GPC5: variants seen among roughly 807,000 people sequenced by gnomAD.
The protein encoded by GPC5 is glypican 5.
In GPC5, 47 loss-of-function variants were observed where a neutral mutation model predicts 53.9. The ratio of observed to expected loss-of-function variants is 0.87; its 90% confidence interval spans 0.69 to 1.11. GPC5 has a LOEUF of 1.11. Among genes scored for constraint, GPC5 ranks in the 50% most tolerant of loss-of-function variants. The pLI is 0.00. For synonymous variants in GPC5, 286 were observed against 263.3 expected (o/e 1.09, Z -0.84); for missense variants, 748 against 713.1 (o/e 1.05, Z -0.56).
At chr13:92,343,980 A>G (rs1271533597) in intron 7 of GPC5, among the ~76,000 whole-genome samples, 1 of 152,108 alleles carries the variant, frequency 6.6e-6, no homozygotes, top group Non-Finnish European at 1.5e-5. Context: ...ATAATAGATA[A>G]TGAGGAATAA....
At chr13:91,829,822 A>C (rs1195784292) in intron 5 of GPC5, among the ~76,000 whole-genome samples, 1 of 152,064 alleles carries the variant, frequency 6.6e-6, no homozygotes, top group Non-Finnish European at 1.5e-5. Context: ...AGGGACTTTC[A>C]AAAGGGGAGG....
intron 2 of GPC5, among the ~76,000 whole-genome samples, chr13:91,594,731 T>C (rs2032926566): frequency 6.6e-6 from 1 of 152,178 alleles, no homozygotes; most frequent in Non-Finnish European, 1.5e-5. Context: ...TAGGCTGGGC[T>C]ACAGTGGTGT....
chr13:92,493,468 C>A (rs1184191353), intron 7 of GPC5, among the ~76,000 whole-genome samples: 1 of 152,126 alleles, frequency 6.6e-6, no homozygotes, highest in Non-Finnish European at 1.5e-5. Context: ...CAACTGCTCT[C>A]ATTGAAGTAG....
chr13:92,660,738 A>T (rs8002799), intron 7 of GPC5, among the ~76,000 whole-genome samples: 26 of 152,228 alleles, frequency 1.7e-4, no homozygotes, highest in African/African-American at 5.8e-4. Flanking sequence ...TCTGCCTAAC[A>T]GATCTCTTAG....
intron 7 of GPC5, among the ~76,000 whole-genome samples, chr13:92,172,020 G>A (rs1212495293): frequency 1.3e-5 from 2 of 152,158 alleles, no homozygotes; most frequent in Admixed American, 6.5e-5. Context: ...ATGCCAGTTC[G>A]CTTGTTTGTA....
At chr13:92,778,954 A>G (rs2138759021) in intron 7 of GPC5, among the ~76,000 whole-genome samples, 1 of 150,140 alleles carries the variant, frequency 6.7e-6, no homozygotes, top group South Asian at 2.1e-4. Flanking sequence ...GTGTATGAAT[A>G]TGTGCAAGAT....
chr13:91,458,045 G>A (rs369650230), intron 2 of GPC5, among the ~76,000 whole-genome samples: 17 of 152,218 alleles, frequency 1.1e-4, no homozygotes, highest in Middle Eastern at 3.4e-3. Flanking sequence ...AGAGTGAGGG[G>A]GATGGAAATA....
chr13:92,650,354 T>A (rs1885913992), intron 7 of GPC5, among the ~76,000 whole-genome samples: 1 of 152,160 alleles, frequency 6.6e-6, no homozygotes, highest in Non-Finnish European at 1.5e-5. Flanking sequence ...ACTATAGGAT[T>A]CTGCCCTCAG....
intron 7 of GPC5, among the ~76,000 whole-genome samples, chr13:92,457,042 A>C (rs1238427845): frequency 6.6e-6 from 1 of 151,522 alleles, no homozygotes; most frequent in Non-Finnish European, 1.5e-5. Flanking sequence ...TGTTGTTCCC[A>C]TCTTTATGTC....
intron 7 of GPC5, among the ~76,000 whole-genome samples, chr13:92,592,866 G>A (rs755516724): frequency 6.6e-6 from 1 of 151,166 alleles, no homozygotes; most frequent in Non-Finnish European, 1.5e-5. Flanking sequence ...TTGAGGGATG[G>A]GCGATGTGCA....
At chr13:92,787,211 A>G (rs1199615416) in intron 7 of GPC5, among the ~76,000 whole-genome samples, 1 of 152,144 alleles carries the variant, frequency 6.6e-6, no homozygotes, top group Non-Finnish European at 1.5e-5. Context: ...TAGGGTTGGG[A>G]AGATAAAAAA....
At position 92,373,382 on chromosome 13, in the gene GPC5, T is replaced by C. The variant is rs1369860581; in HGVS notation, c.1561+228393T>C. Among the ~76,000 whole-genome samples the C allele has an allele frequency of 2.0e-5, 3 of 152,224 alleles. No individual in the cohort carries two copies. The East Asian group carries it at 5.8e-4, about 29-fold the overall frequency. ...CCAGTATTTCTCCATAAACTATAGA[T>C]TCATGTTCTCTCTGTAGAAATGCTA... On this transcript the variant is annotated intron_variant, in intron 7 of 7. Coordinates refer to ENST00000377067, the MANE Select transcript of GPC5 (RefSeq NM_004466.6).
At chr13:91,525,556 A>G (rs1189406980) in intron 2 of GPC5, among the ~76,000 whole-genome samples, 1 of 152,150 alleles carries the variant, frequency 6.6e-6, no homozygotes, top group Non-Finnish European at 1.5e-5. Context: ...CTTTTAATAT[A>G]CCACCTCTTT....
At chr13:92,504,132 T>C (rs1183780153) in intron 7 of GPC5, among the ~76,000 whole-genome samples, 3 of 151,980 alleles carry the variant, frequency 2.0e-5, no homozygotes, top group African/African-American at 7.2e-5. Context: ...ACTGAAAGGT[T>C]TTCCAAAGAA....
At chr13:92,008,672 T>A (rs947159960) in intron 6 of GPC5, among the ~76,000 whole-genome samples, 3 of 152,218 alleles carry the variant, frequency 2.0e-5, no homozygotes, top group Admixed American at 2.0e-4. Flanking sequence ...GTAATTCTTG[T>A]CTCCGTGTTG....
At position 91,954,359 on chromosome 13, in the gene GPC5, G is replaced by A. The variant is rs529973110; in HGVS notation, c.1401+46302G>A. Among the ~76,000 whole-genome samples, 31 of 152,082 alleles carry A rather than the reference G, an allele frequency of 2.0e-4. 1 individual carries two copies. The South Asian group carries it at 3.9e-3, about 19-fold the overall frequency. On this transcript the variant is annotated intron_variant, in intron 6 of 7. Coordinates refer to ENST00000377067, the MANE Select transcript of GPC5 (RefSeq NM_004466.6). ...AAACAAAATATGTGTAACAGGAATC[G>A]GTGATATATTGAAATAATAACACAT... is the stretch of plus-strand genomic sequence containing the variant.
Position 91,771,691 on chromosome 13 carries a change from G to A in GPC5, c.1280+15271G>A, listed in dbSNP as rs186885447. 3.8e-3 allele frequency among the ~76,000 whole-genome samples: 580 copies of A among 152,190 alleles called. 4 individuals carry two copies. Among genetic ancestry groups the A allele is most frequent in the Admixed American group, 7.1e-3 (109 of 15,274 alleles). On this transcript the variant is annotated intron_variant, in intron 5 of 7. Transcript: ENST00000377067. The stretch of plus-strand genomic sequence containing the variant: ...ATTGATTATATTTCTATGTGCTTCC[G>A]TAATTTTTTTACCAAGTCCTTTTAG...
At position 92,539,240 on chromosome 13, in the gene GPC5, C is replaced by T. The variant is rs146993210; in HGVS notation, c.1562-327042C>T. Among the ~76,000 whole-genome samples the T allele has an allele frequency of 8.3e-3, 1,265 of 151,756 alleles. 21 individuals are homozygous for T. The highest frequency in any genetic ancestry group is 0.029 in the African/African-American group (1,189 of 41,396). The stretch of plus-strand genomic sequence containing the variant: ...ATCTAGTTCTAGATCCTTGAGGAAT[C>T]GCCACACTGTCTTCCACAATGGTTG... On this transcript the variant is annotated intron_variant, in intron 7 of 7. Transcript: ENST00000377067.
chr13:92,474,126 C>T (rs1879010016), intron 7 of GPC5, among the ~76,000 whole-genome samples: 1 of 147,204 alleles, frequency 6.8e-6, no homozygotes, highest in African/African-American at 2.5e-5. Flanking sequence ...GTGTTGCTTT[C>T]AAATTAATAG....
Sources: allele counts gnomAD v4.1 joint callset (sites outside exome capture counted in the v4.1 genomes callset), GRCh38; gene constraint gnomAD v4.1.1; transcripts MANE v1.5; gene names NCBI Gene and HGNC (gene_info 2026-07-23, HGNC 2026-07-21).